INPP4B: variants seen among roughly 807,000 people sequenced by gnomAD.
INPP4B encodes the protein inositol polyphosphate-4-phosphatase type II B.
A neutral mutation model predicts 122.5 loss-of-function variants in INPP4B; 55 were observed. The ratio of observed to expected loss-of-function variants is 0.45; its 90% CI spans 0.36 to 0.56. INPP4B has a LOEUF of 0.56. Ranked by LOEUF, INPP4B falls within the 20% of genes least tolerant of loss-of-function variation. The pLI, the probability that INPP4B is intolerant of heterozygous loss-of-function variation, is 0.00. For synonymous variants in INPP4B, 403 were observed against 388.7 expected (o/e 1.04, Z -0.43); for missense variants, 1,000 against 1,097.7 (o/e 0.91, Z 1.26).
chr4:142,517,728 G>A (rs1380015847), intron 2 of INPP4B, among the ~76,000 whole-genome samples: 1 of 152,074 alleles, frequency 6.6e-6, no homozygotes, highest in African/African-American at 2.4e-5. Flanking sequence ...TGAAAGAGAT[G>A]TAAGAACAAT....
intron 1 of INPP4B, among the ~76,000 whole-genome samples, chr4:142,798,053 A>G (rs1777506589): frequency 6.6e-6 from 1 of 151,980 alleles, no homozygotes; most frequent in South Asian, 2.1e-4. Flanking sequence ...CATCAATAGA[A>G]AAATCTCAAA....
At chr4:142,725,633 G>A (rs1336293804) in intron 2 of INPP4B, among the ~76,000 whole-genome samples, 1 of 152,060 alleles carries the variant, frequency 6.6e-6, no homozygotes, top group Non-Finnish European at 1.5e-5. Context: ...TACCCACAAT[G>A]TTTTGAAAAG....
intron 2 of INPP4B, among the ~76,000 whole-genome samples, chr4:142,622,736 C>T (rs1221616702): frequency 6.6e-6 from 1 of 151,926 alleles, no homozygotes; most frequent in Non-Finnish European, 1.5e-5. Flanking sequence ...AGAGTTTACT[C>T]TAAAACCTCA....
chr4:142,418,545 A>C (rs1806220518), intron 5 of INPP4B, among the ~76,000 whole-genome samples: 1 of 151,962 alleles, frequency 6.6e-6, no homozygotes, highest in African/African-American at 2.4e-5. Context: ...TGAGAGTGTT[A>C]GGGACTGGTA....
intron 2 of INPP4B, among the ~76,000 whole-genome samples, chr4:142,622,038 C>T (rs2150376272): frequency 6.6e-6 from 1 of 151,986 alleles, no homozygotes; most frequent in Non-Finnish European, 1.5e-5. Flanking sequence ...CATTCTGGTT[C>T]TAAAGTCCAT....
intron 7 of INPP4B, among the ~76,000 whole-genome samples, chr4:142,396,929 T>C (rs1294359509): frequency 6.6e-6 from 1 of 152,018 alleles, no homozygotes; most frequent in African/African-American, 2.4e-5. Flanking sequence ...TCAGGTTGTA[T>C]GGGGTGGTAA....
At chr4:142,176,660 A>T (rs1396047183) in intron 15 of INPP4B, among the ~76,000 whole-genome samples, 3 of 152,138 alleles carry the variant, frequency 2.0e-5, no homozygotes, top group Non-Finnish European at 4.4e-5. Flanking sequence ...CTTGGGGATG[A>T]GGACAGGGCC....
intron 5 of INPP4B, among the ~76,000 whole-genome samples, chr4:142,422,453 G>A (rs367770826): frequency 9.2e-5 from 14 of 151,994 alleles, no homozygotes; most frequent in Admixed American, 5.2e-4. Flanking sequence ...ATTAGAAGGC[G>A]CCCAGAAAAT....
At chr4:142,357,755 G>A (rs532857758) in intron 7 of INPP4B, among the ~76,000 whole-genome samples, 1 of 152,046 alleles carries the variant, frequency 6.6e-6, no homozygotes, top group African/African-American at 2.4e-5. Flanking sequence ...TTTGTCTATA[G>A]TAAATCCTTG....
intron 2 of INPP4B, among the ~76,000 whole-genome samples, chr4:142,680,580 C>T (rs1758477471): frequency 6.6e-6 from 1 of 151,840 alleles, no homozygotes; most frequent in Non-Finnish European, 1.5e-5. Flanking sequence ...TCAGCAAGTA[C>T]ATAATTTAAG....
chr4:142,091,389 G>C (rs984176454), intron 23 of INPP4B, among the ~76,000 whole-genome samples: 3 of 152,118 alleles, frequency 2.0e-5, no homozygotes, highest in Non-Finnish European at 4.4e-5. Flanking sequence ...CCGGTCATGC[G>C]TCATTGACCA....
chr4:142,229,154 G>A (rs182119535), intron 12 of INPP4B, among the ~76,000 whole-genome samples: 1 of 151,276 alleles, frequency 6.6e-6, no homozygotes, highest in African/African-American at 2.4e-5. Context: ...TATATAATAT[G>A]TTTAATATAT....
In INPP4B at chr4:142,024,172, A is replaced by G. The variant is rs1167582387; in HGVS notation, c.*4610T>C. 6.6e-6 allele frequency: 1 copy of G among 152,158 alleles called. No homozygotes were observed. Among genetic ancestry groups the G allele is most frequent in the Non-Finnish European group, 1.5e-5 (1 of 68,014 alleles). 9.4% of individuals were successfully genotyped at this position (152,158 alleles called of 1,614,324 possible). On this transcript the variant is annotated 3_prime_UTR_variant, in exon 26 of 26. Coordinates refer to ENST00000262992, the MANE Select transcript of INPP4B (RefSeq NM_001101669.3). ...ATCTAAAACATTCATTTTATTTTCC[A>G]ATTCTTAAAGATAGTTTTTGCTATA...
intron 11 of INPP4B, among the ~76,000 whole-genome samples, chr4:142,246,053 A>ATATGTGTGTATACACACAT (rs1728469258): frequency 8.0e-5 from 4 of 49,802 alleles, no homozygotes; most frequent in African/African-American, 1.9e-4. Flanking sequence ...TACACACATT[A>ATATGTGTGTATACACACAT]TATATATGTG....
At chr4:142,345,667 A>T (rs147225587) in intron 7 of INPP4B, among the ~76,000 whole-genome samples, 1 of 152,156 alleles carries the variant, frequency 6.6e-6, no homozygotes, top group East Asian at 1.9e-4. Context: ...ATTTCATTCA[A>T]GTTAAGTGGT....
At position 142,788,263 on chromosome 4, in the gene INPP4B, T is replaced by C. The variant is rs201701535; in HGVS notation, c.-254+57946A>G. ...GATAATTCTCAAATAAAATTTTAGT[T>C]AACTTTTTATAAAACATATTGAAAG... is the stretch of plus-strand genomic sequence containing the variant. On this transcript the variant is annotated intron_variant, in intron 1 of 25. Coordinates refer to ENST00000262992, the MANE Select transcript of INPP4B (RefSeq NM_001101669.3). Among the ~76,000 whole-genome samples, 26 of 152,188 alleles carry C rather than the reference T, an allele frequency of 1.7e-4. No individual in the cohort carries two copies. In the East Asian group the frequency reaches 4.6e-3, roughly 27 times the overall value.
intron 7 of INPP4B, among the ~76,000 whole-genome samples, chr4:142,342,516 T>C (rs1260886484): frequency 6.6e-6 from 1 of 152,146 alleles, no homozygotes; most frequent in East Asian, 1.9e-4. Flanking sequence ...CAGTTTCTCT[T>C]AGCAGCACTT....
At position 142,197,161 on chromosome 4, in the gene INPP4B, T is replaced by C. The variant is rs181061558; in HGVS notation, c.1073-3966A>G. Among the ~76,000 whole-genome samples, 11 of 136,574 alleles carry C rather than the reference T, an allele frequency of 8.1e-5. No individual in the cohort carries two copies. The East Asian group carries it at 1.8e-3, about 22-fold the overall frequency. The allele number at this position is 136,574 out of a possible 152,430, so 89.6% of individuals were successfully genotyped here. The stretch of plus-strand genomic sequence containing the variant: ...AAAAAAAAAAAGAAAGTGAAAATTA[T>C]TGTAGTCATTCATTTTCAAGAGTAT... On this transcript the variant is annotated intron_variant, in intron 14 of 25. Coordinates refer to ENST00000262992, the MANE Select transcript of INPP4B (RefSeq NM_001101669.3).
intron 3 of INPP4B, among the ~76,000 whole-genome samples, chr4:142,450,529 C>T (rs1261257391): frequency 6.6e-6 from 1 of 152,162 alleles, no homozygotes; most frequent in African/African-American, 2.4e-5. Context: ...AGGAGAGGTG[C>T]TACTAATATC....
Sources: allele counts gnomAD v4.1 joint callset (sites outside exome capture counted in the v4.1 genomes callset), GRCh38; gene constraint gnomAD v4.1.1; transcripts MANE v1.5; gene names NCBI Gene and HGNC (gene_info 2026-07-23, HGNC 2026-07-21).